The following MAPK4 variants were observed in gnomAD, a reference collection of about 807,000 sequenced individuals.
The protein encoded by MAPK4 is mitogen-activated protein kinase 4.
In MAPK4, 22 loss-of-function variants were observed where a neutral mutation model predicts 47.7. The observed-to-expected ratio is 0.46, with a 90% CI of 0.33 to 0.66. The LOEUF (loss-of-function observed/expected upper bound fraction) is 0.66. Ranked by LOEUF, MAPK4 falls within the 30% of genes least tolerant of loss-of-function variation. The probability of loss-of-function intolerance (pLI) is 0.02; values close to 1 mark genes in which losing one functional copy is unlikely to be tolerated. For synonymous variants in MAPK4, 390 were observed against 365.7 expected (o/e 1.07, Z -0.76); for missense variants, 736 against 831.7 (o/e 0.88, Z 1.42).
intron 1 of MAPK4, among the ~76,000 whole-genome samples, chr18:50,660,257 G>C (rs983984130): frequency 5.3e-5 from 8 of 152,202 alleles, no homozygotes; most frequent in Non-Finnish European, 7.3e-5. Context: ...TCAGACAAGA[G>C]GCTGCCTGAT....
intron 2 of MAPK4, among the ~76,000 whole-genome samples, chr18:50,709,230 T>C (rs1910221564): frequency 6.6e-6 from 1 of 152,106 alleles, no homozygotes. Context: ...AGAATCACAG[T>C]CTCCCTGCCA....
chr18:50,655,833 G>A, intron 1 of MAPK4, among the ~76,000 whole-genome samples: 1 of 152,186 alleles, frequency 6.6e-6, no homozygotes, highest in East Asian at 1.9e-4. Context: ...CTGGGCCTCA[G>A]GGATGCTTTT....
chr18:50,673,088 C>G (rs1341975385), intron 2 of MAPK4, among the ~76,000 whole-genome samples: 1 of 152,032 alleles, frequency 6.6e-6, no homozygotes, highest in Non-Finnish European at 1.5e-5. Flanking sequence ...ACCAGCCTGG[C>G]CAACATGGTG....
chr18:50,619,825 A>T (rs1006845381), intron 1 of MAPK4, among the ~76,000 whole-genome samples: 3 of 152,232 alleles, frequency 2.0e-5, no homozygotes, highest in African/African-American at 7.2e-5. Context: ...AAATTGACTG[A>T]TGTTTCTGTC....
chr18:50,597,539 T>C (rs921608969), intron 1 of MAPK4, among the ~76,000 whole-genome samples: 4 of 152,258 alleles, frequency 2.6e-5, no homozygotes, highest in African/African-American at 9.6e-5. Context: ...TGATGATTTA[T>C]AAATCTTATT....
At chr18:50,575,011 T>G (rs2042282566) in intron 1 of MAPK4, among the ~76,000 whole-genome samples, 1 of 152,224 alleles carries the variant, frequency 6.6e-6, no homozygotes, top group African/African-American at 2.4e-5. Flanking sequence ...CCATGGATGC[T>G]CTGTCTAATA....
In MAPK4 at chr18:50,729,801, G is replaced by C; in HGVS notation, c.1711G>C (p.Glu571Gln). 6.2e-7 allele frequency: 1 copy of C among 1,612,404 alleles called. No homozygotes were observed. Among genetic ancestry groups the C allele is most frequent in the Non-Finnish European group, 8.5e-7 (1 of 1,179,744 alleles). The change falls in exon 6 of 6, where the codon GAG (glutamate) becomes CAG (glutamine). Residue 571 changes from glutamate (E) to glutamine (Q), a missense_variant. Transcript: ENST00000400384. ...LGDLNGACIPEHPGDLVQTEA... is the reference protein window; with the variant it reads ...LGDLNGACIPQHPGDLVQTEA... ...CGACCTCAATGGTGCGTGCATCCCC[G>C]AGCACCCTGGCGACCTCGTGCAGAC...
intron 1 of MAPK4, among the ~76,000 whole-genome samples, chr18:50,625,839 T>C (rs1418716993): frequency 1.3e-5 from 2 of 151,832 alleles, no homozygotes; most frequent in African/African-American, 4.8e-5. Flanking sequence ...AGTTTCTTGG[T>C]GTATTAGGGT....
intron 1 of MAPK4, among the ~76,000 whole-genome samples, chr18:50,651,230 G>A (rs7244150): frequency 0.87 from 133,152 of 152,200 alleles, 58,368 homozygotes; most frequent in East Asian, 0.98. Flanking sequence ...ATCTCCCTGG[G>A]TCCATGAGCT....
chr18:50,659,507 C>A (rs1354065344), intron 1 of MAPK4, among the ~76,000 whole-genome samples: 5 of 152,118 alleles, frequency 3.3e-5, no homozygotes, highest in Admixed American at 3.3e-4. Context: ...AAACCAAAGC[C>A]CCAGGAATCC....
chr18:50,664,207 G>A lies in MAPK4; in HGVS notation c.249G>A (p.Val83=). Residue 83 remains valine, a synonymous_variant, in exon 2 of 6, where the codon GTG becomes GTA. Transcript: ENST00000400384. This position sits in a 1 kb window ranked among gnomAD's most constrained non-coding sequence, Gnocchi z 6.0. ...DHDNIVKVYE[V]LGPKGTDLQG... ...ACAACATCGTCAAAGTGTACGAGGT[G>A]CTCGGTCCCAAGGGCACTGACCTGC... 6.2e-7 allele frequency: 1 copy of A among 1,614,066 alleles called. No individual in the cohort carries two copies. Among genetic ancestry groups the A allele is most frequent in the South Asian group, 1.1e-5 (1 of 91,074 alleles).
intron 1 of MAPK4, among the ~76,000 whole-genome samples, chr18:50,659,960 C>T (rs1044787317): frequency 8.5e-5 from 13 of 152,216 alleles, no homozygotes; most frequent in South Asian, 4.1e-4. Context: ...TAACCACTCC[C>T]CTGCCCAGGT....
chr18:50,589,591 G>A (rs1159675210), intron 1 of MAPK4, among the ~76,000 whole-genome samples: 31 of 112,018 alleles, frequency 2.8e-4, no homozygotes, highest in Admixed American at 7.9e-4. Context: ...GCGAGACTCC[G>A]TCTCAAAAAA....
At chr18:50,615,544 A>G (rs895512502) in intron 1 of MAPK4, among the ~76,000 whole-genome samples, 1 of 152,214 alleles carries the variant, frequency 6.6e-6, no homozygotes, top group African/African-American at 2.4e-5. Flanking sequence ...CTGATCCTGC[A>G]GCTGCGCACA....
At chr18:50,728,939 T>G (rs1911353142) in intron 5 of MAPK4, among the ~76,000 whole-genome samples, 1 of 152,198 alleles carries the variant, frequency 6.6e-6, no homozygotes, top group South Asian at 2.1e-4. Flanking sequence ...TCTGCAGGGT[T>G]TCGAATGCGT....
chr18:50,646,095 G>A (rs2042986528), intron 1 of MAPK4, among the ~76,000 whole-genome samples: 1 of 152,204 alleles, frequency 6.6e-6, no homozygotes, highest in South Asian at 2.1e-4. Flanking sequence ...CAGCTAACAG[G>A]CGAGGAAACT....
chr18:50,588,650 G>A (rs2042409023), intron 1 of MAPK4, among the ~76,000 whole-genome samples: 1 of 152,180 alleles, frequency 6.6e-6, no homozygotes, highest in Non-Finnish European at 1.5e-5. Context: ...AACTTTCCAG[G>A]CTCAGGTGAT....
Position 50,682,208 on chromosome 18 carries a change from T to C in MAPK4, c.546+17704T>C, listed in dbSNP as rs1908627560. On this transcript the variant is annotated intron_variant, in intron 2 of 5. Coordinates refer to ENST00000400384, the MANE Select transcript of MAPK4 (RefSeq NM_002747.4). ...ACCCACTAAATAGTACACTTTAAAATGGTGAATTTTACGACGTGTGAATTA... is the reference window on the plus strand; with the variant it reads ...ACCCACTAAATAGTACACTTTAAAACGGTGAATTTTACGACGTGTGAATTA... 2.6e-5 allele frequency among the ~76,000 whole-genome samples: 4 copies of C among 152,164 alleles called. No individual in the cohort carries two copies. The South Asian group carries it at 8.3e-4, about 32-fold the overall frequency.
intron 2 of MAPK4, among the ~76,000 whole-genome samples, chr18:50,713,491 T>TTTCA (rs951118710): frequency 6.6e-6 from 1 of 152,214 alleles, no homozygotes; most frequent in African/African-American, 2.4e-5. Context: ...GATGTTTCCT[T>TTTCA]TTCATTCATT....
Sources: gnomAD v4.1 joint callset for allele counts (sites outside exome capture counted in the v4.1 genomes callset) on GRCh38, gnomAD v4.1.1 for gene constraint, Gnocchi (gnomAD v3.1) non-coding constraint, MANE v1.5 for transcripts, NCBI Gene and HGNC (gene_info 2026-07-23, HGNC 2026-07-21) for gene names.